Variants in MCC observed in about 807,000 individuals in gnomAD.
MCC encodes the protein MCC regulator of Wnt signaling pathway.
In MCC, 90 loss-of-function variants were observed where a neutral mutation model predicts 116.2. That is an observed-to-expected ratio of 0.77 (90% CI 0.65 to 0.92). The LOEUF (loss-of-function observed/expected upper bound fraction) is 0.92. Among genes scored for constraint, MCC ranks in the 40% least tolerant of loss-of-function variants. The pLI is 0.00. For synonymous variants in MCC, 578 were observed against 510.5 expected, an observed-to-expected ratio of 1.13 and a Z score of -1.78; for missense variants, 1,516 against 1,312.2, an observed-to-expected ratio of 1.16 and a Z score of -2.40.
chr5:113,451,097 G>C (rs1424662503), intron 1 of MCC, among the ~76,000 whole-genome samples: 1 of 151,640 alleles, frequency 6.6e-6, no homozygotes, highest in Non-Finnish European at 1.5e-5. Flanking sequence ...TTTGGTCTCT[G>C]TAAGCAGAAT....
intron 3 of MCC, among the ~76,000 whole-genome samples, chr5:113,217,518 A>C (rs899591361): frequency 6.7e-6 from 1 of 149,024 alleles, no homozygotes; most frequent in African/African-American, 2.6e-5. Flanking sequence ...GCTAGAACAG[A>C]GATACTTGAG....
Position 113,043,608 on chromosome 5 carries a change from G to C in MCC, c.2678C>G (p.Pro893Arg). ...PGKECADAAS[P>R]ALSLAELRTT... is the part of the protein sequence containing the mutation. ...CCTGAGTTCGGCTAGGGACAGAGCT[G>C]GGGAGGCAGCATCAGCACACTCCTG... The change falls in exon 17 of 19, where the codon CCA becomes CGA. Residue 893 changes from proline to arginine, a missense_variant. Pro to Arg is a moderately radical substitution (Grantham distance 103, BLOSUM62 -2). Coordinates refer to ENST00000408903, the MANE Select transcript of MCC (RefSeq NM_001085377.2). The C allele has an allele frequency of 6.2e-7, 1 of 1,613,914 alleles. No homozygotes were observed. The highest frequency in any genetic ancestry group is 1.1e-5 in the South Asian group (1 of 91,062).
intron 1 of MCC, among the ~76,000 whole-genome samples, chr5:113,449,166 G>A (rs1431028761): frequency 1.3e-5 from 2 of 152,204 alleles, no homozygotes; most frequent in African/African-American, 4.8e-5. Flanking sequence ...TTGGGTCAGA[G>A]AAGATCCTTA....
At chr5:113,210,669 T>C (rs1025111243) in intron 3 of MCC, among the ~76,000 whole-genome samples, 2 of 151,994 alleles carry the variant, frequency 1.3e-5, no homozygotes, top group East Asian at 3.9e-4. Flanking sequence ...AGAAGGAGAA[T>C]CCAAGGTTCA....
chr5:113,336,694 G>GC (rs1249256696), intron 3 of MCC, among the ~76,000 whole-genome samples: 1 of 152,172 alleles, frequency 6.6e-6, no homozygotes, highest in African/African-American at 2.4e-5. Flanking sequence ...GTAAGGTCTA[G>GC]CCCTTAGGAT....
Position 113,375,994 on chromosome 5 carries a change from G to A in MCC, c.415+8974C>T, listed in dbSNP as rs116819862. Among the ~76,000 whole-genome samples the A allele has an allele frequency of 6.4e-4, 98 of 152,212 alleles. 1 individual carries two copies. The highest frequency in any genetic ancestry group is 2.1e-3 in the African/African-American group (87 of 41,520). ...GCAGCAAGTGTCATAGCGAAGGCACGTACTAGATATTAGCTGATGTGAACT... is the reference window on the plus strand; with the variant it reads ...GCAGCAAGTGTCATAGCGAAGGCACATACTAGATATTAGCTGATGTGAACT... On this transcript the variant is annotated intron_variant, in intron 2 of 18. Coordinates refer to ENST00000408903, the MANE Select transcript of MCC (RefSeq NM_001085377.2).
intron 3 of MCC, among the ~76,000 whole-genome samples, chr5:113,279,466 T>C (rs1230948949): frequency 6.6e-6 from 1 of 152,200 alleles, no homozygotes; most frequent in African/African-American, 2.4e-5. Flanking sequence ...TTAAAACTCT[T>C]TCATTTCTAC....
chr5:113,323,165 T>A (rs1012407793), intron 3 of MCC: 2 of 152,332 alleles, frequency 1.3e-5, no homozygotes, highest in Non-Finnish European at 2.9e-5. Context: ...TGGTCAGGCC[T>A]TCAGATGACT....
intron 3 of MCC, among the ~76,000 whole-genome samples, chr5:113,228,905 T>C (rs1172181806): frequency 1.3e-5 from 2 of 152,180 alleles, no homozygotes; most frequent in Non-Finnish European, 2.9e-5. Context: ...GTCAATGTTT[T>C]TGGCCGGAAA....
At chr5:113,122,623 A>T (rs1188424385) in intron 6 of MCC, 61 bp downstream of exon 6, 1 of 1,583,782 alleles carries the variant, frequency 6.3e-7, no homozygotes, top group East Asian at 2.2e-5. Context: ...CACATTTCTA[A>T]AATTTCTATT....
At chr5:113,080,466 C>T (rs1754773664) in intron 11 of MCC, among the ~76,000 whole-genome samples, 1 of 152,160 alleles carries the variant, frequency 6.6e-6, no homozygotes, top group Non-Finnish European at 1.5e-5. Flanking sequence ...TGGAATACTA[C>T]TCAGCCATAA....
intron 3 of MCC, among the ~76,000 whole-genome samples, chr5:113,208,222 T>C (rs1395359334): frequency 3.3e-5 from 5 of 152,128 alleles, no homozygotes; most frequent in South Asian, 2.1e-4. Context: ...ATACCTAACA[T>C]AGTGACATAT....
intron 17 of MCC, among the ~76,000 whole-genome samples, chr5:113,041,586 GCCAGGAGACACAGAAAGC>G (rs1373834000): frequency 1.3e-5 from 2 of 152,168 alleles, no homozygotes; most frequent in Non-Finnish European, 2.9e-5. Flanking sequence ...GCTGTTATTA[GCCAGGAGACACAGAAAGC>G]CCAGGAGACA....
chr5:113,241,599 C>T (rs1482312664), intron 3 of MCC, among the ~76,000 whole-genome samples: 1 of 152,224 alleles, frequency 6.6e-6, no homozygotes, highest in Non-Finnish European at 1.5e-5. Flanking sequence ...TTCACACATA[C>T]AGGACTACTG....
intron 3 of MCC, among the ~76,000 whole-genome samples, chr5:113,214,930 A>G (rs1285805562): frequency 6.6e-6 from 1 of 152,160 alleles, no homozygotes; most frequent in Non-Finnish European, 1.5e-5. Context: ...GCCTTACTGG[A>G]AAACCTGCAG....
chr5:113,437,004 T>C (rs26983), intron 1 of MCC: 102,478 of 151,702 alleles, frequency 0.68, 36,643 homozygotes, highest in African/African-American at 0.92. Flanking sequence ...TGCAGCCCTA[T>C]CCCTTTGGGC....
At chr5:113,359,173 T>C (rs147991204) in intron 2 of MCC, among the ~76,000 whole-genome samples, 3 of 152,332 alleles carry the variant, frequency 2.0e-5, no homozygotes, top group African/African-American at 4.8e-5. Context: ...ACACATATCC[T>C]ATCTAGGGCC....
chr5:113,163,483 C>T (rs530259221), intron 3 of MCC, among the ~76,000 whole-genome samples: 59 of 145,658 alleles, frequency 4.1e-4, no homozygotes, highest in South Asian at 1.1e-3. Context: ...CTCCCCCATC[C>T]ACTTTCTCTT....
chr5:113,064,857 A>C (rs4235787), intron 13 of MCC, among the ~76,000 whole-genome samples: 1 of 152,284 alleles, frequency 6.6e-6, no homozygotes, highest in Admixed American at 6.5e-5. Context: ...TCCTATTGTG[A>C]TTTAAGACTG....
Sources: gnomAD v4.1 joint callset for allele counts (sites outside exome capture counted in the v4.1 genomes callset) on GRCh38, gnomAD v4.1.1 for gene constraint, MANE v1.5 for transcripts, NCBI Gene and HGNC (gene_info 2026-07-23, HGNC 2026-07-21) for gene names.